The following IFT22 variants were observed in gnomAD, a reference collection of about 807,000 sequenced individuals.
IFT22 encodes intraflagellar transport 22.
IFT22 carries 13 observed loss-of-function variants against 21.0 expected under a neutral mutation model. The observed-to-expected ratio is 0.62, with a 90% confidence interval of 0.40 to 0.98. The LOEUF is 0.98. IFT22 is among the 50% of genes least tolerant of loss of function. IFT22 has a pLI of 0.00. For missense variants in IFT22, 227 were observed against 228.9 expected, an observed-to-expected ratio of 0.99 and a Z score of 0.06; for synonymous variants, 67 against 82.4, an observed-to-expected ratio of 0.81 and a Z score of 1.01.
At position 101,314,504 on chromosome 7, in the gene IFT22, T is replaced by C. The variant is rs1459353081; in HGVS notation, c.*630A>G. 1 of 152,192 alleles carries C rather than the reference T, an allele frequency of 6.6e-6. No individual in the cohort carries two copies. Among genetic ancestry groups the C allele is most frequent in the Admixed American group, 6.6e-5 (1 of 15,266 alleles). 9.4% of individuals were successfully genotyped at this position (152,192 alleles called of 1,614,324 possible). A position where few individuals can be genotyped will look rare whatever the true frequency, so the allele number is the denominator to read the frequency against. On this transcript the variant is annotated 3_prime_UTR_variant, in exon 5 of 5. Transcript: ENST00000315322. ...ATGCGTTTTGATTTTCTTTTTTGCA[T>C]ATCCAAGACATTGCACTCAAGTTTC... is the stretch of plus-strand genomic sequence containing the variant.
rs1175559613 is a variant in IFT22, at chr7:101,312,991, G to A, written c.*2143C>T. On this transcript the variant is annotated 3_prime_UTR_variant, in exon 5 of 5. Transcript: ENST00000315322. ...TGGGATTACAGGCACGTGCTACCACGCCCAGCTAATTTTTGTATTTTTAGT... is the reference window on the plus strand; with the variant it reads ...TGGGATTACAGGCACGTGCTACCACACCCAGCTAATTTTTGTATTTTTAGT... Among the ~76,000 whole-genome samples the A allele has an allele frequency of 2.6e-5, 4 of 151,452 alleles. No homozygotes were observed. Among genetic ancestry groups the A allele is most frequent in the African/African-American group, 9.7e-5 (4 of 41,156 alleles).
At position 101,312,028 on chromosome 7, in the gene IFT22, G is replaced by A. The variant is rs184471715; in HGVS notation, c.*3106C>T. Among the ~76,000 whole-genome samples, 21 of 152,128 alleles carry A rather than the reference G, an allele frequency of 1.4e-4. No homozygotes were observed. The highest frequency in any genetic ancestry group is 3.4e-3 in the Middle Eastern group (1 of 294). The stretch of plus-strand genomic sequence containing the variant: ...AACAAACTTGCTTCTACAATAAACC[G>A]TAAACTCACCGTATCTAGTGATTCT... On this transcript the variant is annotated 3_prime_UTR_variant, in exon 5 of 5. Coordinates refer to ENST00000315322, the MANE Select transcript of IFT22 (RefSeq NM_022777.4).
Position 101,313,610 on chromosome 7 carries a change from C to CGT in IFT22, c.*1522_*1523dup, listed in dbSNP as rs2116912437. On this transcript the variant is annotated 3_prime_UTR_variant, in exon 5 of 5. Coordinates refer to ENST00000315322, the MANE Select transcript of IFT22 (RefSeq NM_022777.4). ...CCTCCCAAAGTGCTGGGATTACAGGCGTGAGCCACCACGCCCAGCCAGGCA... is the reference window on the plus strand; with the variant it reads ...CCTCCCAAAGTGCTGGGATTACAGGCGTGTGAGCCACCACGCCCAGCCAGGCA... The CGT allele has an allele frequency of 6.6e-6, 1 of 151,642 alleles. No homozygotes were observed. The highest frequency in any genetic ancestry group is 2.1e-4 in the South Asian group (1 of 4,772). The allele number at this position is 151,642 out of a possible 1,614,324, so 9.4% of individuals were successfully genotyped here. A position where few individuals can be genotyped will look rare whatever the true frequency, so the allele number is the denominator to read the frequency against.
chr7:101,314,160 A>G lies in IFT22; in HGVS notation c.*974T>C, dbSNP rs1335774624. On this transcript the variant is annotated 3_prime_UTR_variant, in exon 5 of 5. Transcript: ENST00000315322. Reference sequence around the variant, plus strand: ...GTGTGAGCCACCGCTCCTGGGCTAGAACTCTTTTTTTTTTGAGATGGAGTC... The same window carrying G: ...GTGTGAGCCACCGCTCCTGGGCTAGGACTCTTTTTTTTTTGAGATGGAGTC... The G allele has an allele frequency of 6.7e-6, 1 of 148,910 alleles. No individual in the cohort carries two copies. The highest frequency in any genetic ancestry group is 6.7e-5 in the Admixed American group (1 of 14,888). 9.2% of individuals were successfully genotyped at this position (148,910 alleles called of 1,614,324 possible).
At chr7:101,320,618 T>C (rs999928884) in intron 1 of IFT22, among the ~76,000 whole-genome samples, 1 of 150,614 alleles carries the variant, frequency 6.6e-6, no homozygotes, top group Non-Finnish European at 1.5e-5. Context: ...GCTTTATTTC[T>C]GTGGATGATG....
chr7:101,312,178 C>A lies in IFT22; in HGVS notation c.*2956G>T, dbSNP rs949911813. Among the ~76,000 whole-genome samples the A allele has an allele frequency of 6.6e-6, 1 of 151,922 alleles. No homozygotes were observed. Among genetic ancestry groups the A allele is most frequent in the Non-Finnish European group, 1.5e-5 (1 of 67,996 alleles). Reference sequence around the variant, plus strand: ...CACCACTTTGGGAGGCTGAGACGGGCGGATCACTCAAGGACAGGAGTTCGA... The same window carrying A: ...CACCACTTTGGGAGGCTGAGACGGGAGGATCACTCAAGGACAGGAGTTCGA... On this transcript the variant is annotated 3_prime_UTR_variant, in exon 5 of 5. Transcript: ENST00000315322.
chr7:101,318,980 T>A lies in IFT22; in HGVS notation c.92A>T (p.Glu31Val). 1 of 1,613,958 alleles carries A rather than the reference T, an allele frequency of 6.2e-7. No individual in the cohort carries two copies. Among genetic ancestry groups the A allele is most frequent in the Non-Finnish European group, 8.5e-7 (1 of 1,179,878 alleles). The change falls in exon 2 of 5, where the codon GAA becomes GTA. Residue 31 changes from glutamate to valine, a missense_variant. By Grantham distance (121) the Glu-to-Val change is moderately radical. Coordinates refer to ENST00000315322, the MANE Select transcript of IFT22 (RefSeq NM_022777.4). ...NFLTESSDIT[E>V]YSPTQGVRIL... is the part of the protein sequence containing the mutation. ...CCTCACTCCTTGGGTTGGGCTGTATTCAGTGATGTCAGAAGATTCTGTCAG... is the reference window on the plus strand; with the variant it reads ...CCTCACTCCTTGGGTTGGGCTGTATACAGTGATGTCAGAAGATTCTGTCAG...
At chr7:101,315,782 C>A (rs1790126571) in intron 4 of IFT22, 1 of 179,582 alleles carries the variant, frequency 5.6e-6, no homozygotes, top group Non-Finnish European at 1.2e-5. Flanking sequence ...CCTCTACCTC[C>A]CAGGTACAAG....
intron 1 of IFT22, among the ~76,000 whole-genome samples, chr7:101,319,476 G>A (rs1035406012): frequency 6.6e-5 from 10 of 151,946 alleles, no homozygotes; most frequent in African/African-American, 2.4e-4. Flanking sequence ...ACACACCTGG[G>A]CCTCCCAGAG....
intron 1 of IFT22, 84 bp from the exon 2 acceptor site, chr7:101,319,116 C>T: frequency 7.3e-7 from 1 of 1,373,128 alleles, no homozygotes; most frequent in Non-Finnish European, 1.0e-6. Context: ...TGGCCTGGAA[C>T]CCGGTGTGGT....
chr7:101,314,562 T>C lies in IFT22; in HGVS notation c.*572A>G, dbSNP rs1790084255. The C allele has an allele frequency of 6.6e-6, 1 of 152,220 alleles. No homozygotes were observed. Among genetic ancestry groups the C allele is most frequent in the African/African-American group, 2.4e-5 (1 of 41,458 alleles). The allele number at this position is 152,220 out of a possible 1,614,324, so 9.4% of individuals were successfully genotyped here. ...GCCTATTAGGTTGGTGCAAAAGTAATAGTGGCTTTTGCCATTAAAAATTAA... is the reference window on the plus strand; with the variant it reads ...GCCTATTAGGTTGGTGCAAAAGTAACAGTGGCTTTTGCCATTAAAAATTAA... On this transcript the variant is annotated 3_prime_UTR_variant, in exon 5 of 5. Transcript: ENST00000315322.
intron 3 of IFT22, among the ~76,000 whole-genome samples, chr7:101,317,700 G>A (rs1302149851): frequency 6.8e-6 from 1 of 147,608 alleles, no homozygotes; most frequent in African/African-American, 2.6e-5. Context: ...GGTGCCTGGT[G>A]GGCAGCTGAT....
At position 101,312,587 on chromosome 7, in the gene IFT22, G is replaced by A. The variant is rs1388916120; in HGVS notation, c.*2547C>T. Among the ~76,000 whole-genome samples the A allele has an allele frequency of 1.4e-5, 2 of 141,234 alleles. No individual in the cohort carries two copies. The highest frequency in any genetic ancestry group is 7.6e-5 in the Admixed American group (1 of 13,124). 92.7% of individuals were successfully genotyped at this position (141,234 alleles called of 152,430 possible). A position where few individuals can be genotyped will look rare whatever the true frequency, so the allele number is the denominator to read the frequency against. The stretch of plus-strand genomic sequence containing the variant: ...GTCTCGCTATGTTGCCGAGGCTGGA[G>A]AGCAGTGGCGCGATCTTGGCTCACT... On this transcript the variant is annotated 3_prime_UTR_variant, in exon 5 of 5. Coordinates refer to ENST00000315322, the MANE Select transcript of IFT22 (RefSeq NM_022777.4).
intron 3 of IFT22, among the ~76,000 whole-genome samples, chr7:101,317,416 G>A (rs985326453): frequency 4.0e-5 from 6 of 151,578 alleles, no homozygotes; most frequent in Non-Finnish European, 8.8e-5. Context: ...TTACAGGTGT[G>A]AGCCATGGTG....
chr7:101,315,981 G>C, intron 4 of IFT22: 1 of 208,384 alleles, frequency 4.8e-6, no homozygotes, highest in Non-Finnish European at 9.7e-6. Context: ...CTGAGCCACC[G>C]CACCCGGTCT....
intron 3 of IFT22, 101 bp from the exon 4 acceptor site, chr7:101,316,643 G>C: frequency 4.2e-6 from 5 of 1,195,050 alleles, no homozygotes; most frequent in Non-Finnish European, 5.9e-6. Context: ...GGTCTATGAC[G>C]GCTGGGCGTG....
intron 2 of IFT22, chr7:101,318,538 G>GTAGC (rs1290366289): frequency 3.6e-6 from 1 of 274,188 alleles, no homozygotes; most frequent in Non-Finnish European, 6.9e-6. Flanking sequence ...AAGACGAACA[G>GTAGC]TAGCAGCACC....
Position 101,312,404 on chromosome 7 carries a change from G to A in IFT22, c.*2730C>T, listed in dbSNP as rs972397378. Among the ~76,000 whole-genome samples the A allele has an allele frequency of 2.0e-5, 3 of 151,972 alleles. No individual in the cohort carries two copies. Among genetic ancestry groups the A allele is most frequent in the African/African-American group, 7.3e-5 (3 of 41,378 alleles). On this transcript the variant is annotated 3_prime_UTR_variant, in exon 5 of 5. Coordinates refer to ENST00000315322, the MANE Select transcript of IFT22 (RefSeq NM_022777.4). ...GTGGTCATGCCACTGCACTCCAGCC[G>A]GGATGACAGAGTGACACCGTGTCTC...
chr7:101,315,963 T>C (rs896132681), intron 4 of IFT22: 85 of 203,620 alleles, frequency 4.2e-4, no homozygotes, highest in African/African-American at 1.9e-3. Context: ...AGTGTTGGGA[T>C]TACAGGTCTG....
Sources: allele counts gnomAD v4.1 joint callset (sites outside exome capture counted in the v4.1 genomes callset), GRCh38; gene constraint gnomAD v4.1.1; transcripts MANE v1.5; gene names NCBI Gene and HGNC (gene_info 2026-07-23, HGNC 2026-07-21).